ST6GAL2: variants seen among roughly 807,000 people sequenced by gnomAD.
ST6GAL2 encodes ST6 beta-galactoside alpha-2,6-sialyltransferase 2.
ST6GAL2 carries 24 observed loss-of-function variants against 37.5 expected under a neutral mutation model. The ratio of observed to expected loss-of-function variants is 0.64; its 90% CI spans 0.46 to 0.90. The LOEUF (loss-of-function observed/expected upper bound fraction) is 0.90, where lower values mean the gene tolerates loss of function less well. Ranked by LOEUF, ST6GAL2 falls within the 40% of genes least tolerant of loss-of-function variation. The pLI is 0.00. For synonymous variants in ST6GAL2, 306 were observed against 295.1 expected, an observed-to-expected ratio of 1.04 and a Z score of -0.38; for missense variants, 715 against 712.7, an observed-to-expected ratio of 1.00 and a Z score of -0.04.
intron 5 of ST6GAL2, among the ~76,000 whole-genome samples, chr2:106,823,478 CACACACACAG>C (rs1389635569): frequency 6.5e-4 from 60 of 92,046 alleles, no homozygotes; most frequent in African/African-American, 2.0e-3. Context: ...CACACACACA[CACACACACAG>C]AGAGAGAGAG....
intron 5 of ST6GAL2, among the ~76,000 whole-genome samples, 189 bp from the exon 6 acceptor site, chr2:106,807,138 A>G (rs1177156897): frequency 6.6e-6 from 1 of 152,108 alleles, no homozygotes; most frequent in Non-Finnish European, 1.5e-5. Flanking sequence ...GTATGGGGGC[A>G]TATTAAAATG....
chr2:106,857,818 G>A (rs555179836), intron 1 of ST6GAL2, among the ~76,000 whole-genome samples: 1 of 152,210 alleles, frequency 6.6e-6, no homozygotes, highest in South Asian at 2.1e-4. Context: ...CAGCACGGCC[G>A]AAGGAGGTTG....
intron 1 of ST6GAL2, among the ~76,000 whole-genome samples, chr2:106,857,851 G>A (rs1175667145): frequency 1.3e-5 from 2 of 152,104 alleles, no homozygotes; most frequent in Non-Finnish European, 1.5e-5. Context: ...CAAGAACAAT[G>A]CCTCGCTGCT....
chr2:106,873,667 T>G (rs936441836), intron 1 of ST6GAL2, among the ~76,000 whole-genome samples: 2 of 152,262 alleles, frequency 1.3e-5, no homozygotes, highest in African/African-American at 4.8e-5. Context: ...GAATGCTATT[T>G]TTAATCATTT....
chr2:106,830,521 G>A (rs548399118), intron 4 of ST6GAL2, among the ~76,000 whole-genome samples: 2 of 152,208 alleles, frequency 1.3e-5, no homozygotes, highest in Admixed American at 1.3e-4. Flanking sequence ...CAAAGGGCCA[G>A]ATAATCAACA....
chr2:106,869,826 C>CCGACTGT (rs1427131698), intron 1 of ST6GAL2, among the ~76,000 whole-genome samples: 2 of 152,214 alleles, frequency 1.3e-5, no homozygotes, highest in Admixed American at 1.3e-4. Context: ...GGCTGGGCCT[C>CCGACTGT]CGACTGTCCT....
chr2:106,844,369 C>T (rs1327625011), intron 1 of ST6GAL2, among the ~76,000 whole-genome samples: 1 of 152,036 alleles, frequency 6.6e-6, no homozygotes, highest in Non-Finnish European at 1.5e-5. Context: ...CAGTAGTGCC[C>T]CTGCCCACAA....
intron 1 of ST6GAL2, among the ~76,000 whole-genome samples, chr2:106,880,463 C>T (rs1198358570): frequency 6.6e-6 from 1 of 152,198 alleles, no homozygotes; most frequent in Non-Finnish European, 1.5e-5. Context: ...AAGTTAGTCT[C>T]AACAGTCAAA....
Position 106,843,691 on chromosome 2 carries a change from A to G in ST6GAL2, c.287T>C (p.Leu96Pro). The G allele has an allele frequency of 6.2e-7, 1 of 1,613,184 alleles. No homozygotes were observed. Among genetic ancestry groups the G allele is most frequent in the Non-Finnish European group, 8.5e-7 (1 of 1,180,000 alleles). Reference protein sequence around the residue: ...AGSFHAGPGDLQKWAQSQDGF... With the variant: ...AGSFHAGPGDPQKWAQSQDGF... ...ATCTTGGGACTGGGCCCATTTCTGC[A>G]GGTCTCCAGGCCCCGCATGAAAGGA... The change falls in exon 2 of 6, where the codon CTG (leucine) becomes CCG (proline). Residue 96 changes from leucine to proline, a missense_variant. Coordinates refer to ENST00000409382, the MANE Select transcript of ST6GAL2 (RefSeq NM_001142351.2).
intron 5 of ST6GAL2, chr2:106,823,266 C>T (rs370819971): frequency 1.3e-5 from 2 of 151,996 alleles, no homozygotes; most frequent in Non-Finnish European, 2.9e-5. Context: ...ACAGATCTTA[C>T]AGCACCAAAG....
At chr2:106,855,082 C>A (rs1027605554) in intron 1 of ST6GAL2, among the ~76,000 whole-genome samples, 2 of 152,104 alleles carry the variant, frequency 1.3e-5, no homozygotes, top group Non-Finnish European at 2.9e-5. Flanking sequence ...TTTATTAAGT[C>A]TATCATAAGG....
At chr2:106,809,629 C>T (rs1675537548) in intron 5 of ST6GAL2, among the ~76,000 whole-genome samples, 1 of 152,154 alleles carries the variant, frequency 6.6e-6, no homozygotes, top group African/African-American at 2.4e-5. Flanking sequence ...AATGCAGGTT[C>T]CTGGGACTTG....
rs1553414505 is a variant in ST6GAL2 at position 106,804,855 on chromosome 2, A to AAAG, written c.*1822_*1823insCTT. On this transcript the variant is annotated 3_prime_UTR_variant, in exon 6 of 6. Transcript: ENST00000409382. Reference sequence around the variant, plus strand: ...AGAGACTGTCTCAAAAAAAAAAAAAAAAAAGAAAAGAAAAGAAATTAGAAA... The same window carrying AAAG: ...AGAGACTGTCTCAAAAAAAAAAAAAAAAGAAAAGAAAAGAAAAGAAATTAGAAA... 9 of 151,272 alleles carry AAAG rather than the reference A, an allele frequency of 5.9e-5. No individual in the cohort carries two copies. Among genetic ancestry groups the AAAG allele is most frequent in the East Asian group, 1.9e-4 (1 of 5,146 alleles). 9.4% of individuals were successfully genotyped at this position (151,272 alleles called of 1,614,324 possible).
Position 106,886,152 on chromosome 2 carries a change from CT to C in ST6GAL2, c.-118del, listed in dbSNP as rs1678981084. On this transcript the variant is annotated 5_prime_UTR_variant, in exon 1 of 6. Transcript: ENST00000409382. The stretch of plus-strand genomic sequence containing the variant: ...GACACCGTGGTGCTCGGTGCTCCCC[CT>C]GGCAGCGCGGCACTGGAGTCCAAGG... The C allele has an allele frequency of 6.6e-6, 1 of 152,352 alleles. No individual in the cohort carries two copies. The highest frequency in any genetic ancestry group is 2.4e-5 in the African/African-American group (1 of 41,482). 9.4% of individuals were successfully genotyped at this position (152,352 alleles called of 1,614,324 possible).
At position 106,832,564 on chromosome 2, in the gene ST6GAL2, C is replaced by T; in HGVS notation, c.1143+1G>A. 3 of 1,541,766 alleles carry T rather than the reference C, an allele frequency of 1.9e-6. No homozygotes were observed. Among genetic ancestry groups the T allele is most frequent in the Non-Finnish European group, 2.6e-6 (3 of 1,133,034 alleles). On this transcript the variant is annotated splice_donor_variant, in intron 4 of 5. Transcript: ENST00000409382. LOFTEE classifies it high-confidence loss of function. ...GTGGGCAAATCCAGGGAAACACTTA[C>T]CAGGTTAAGATTTGCGGAATATGGG...
At chr2:106,872,291 C>G (rs969877533) in intron 1 of ST6GAL2, among the ~76,000 whole-genome samples, 3 of 152,194 alleles carry the variant, frequency 2.0e-5, no homozygotes, top group Non-Finnish European at 4.4e-5. Context: ...TCTTCTTTGC[C>G]TGGTGCATGA....
intron 2 of ST6GAL2, among the ~76,000 whole-genome samples, chr2:106,836,833 G>A (rs1447612065): frequency 6.9e-6 from 1 of 145,092 alleles, no homozygotes; most frequent in Non-Finnish European, 1.5e-5. Context: ...TGTAATCCCA[G>A]CTACTCGGGA....
intron 1 of ST6GAL2, among the ~76,000 whole-genome samples, chr2:106,858,443 C>T (rs1573290422): frequency 6.6e-6 from 1 of 152,184 alleles, no homozygotes; most frequent in African/African-American, 2.4e-5. Context: ...CTCCCCAGCC[C>T]TAAAGGATAA....
intron 5 of ST6GAL2, among the ~76,000 whole-genome samples, chr2:106,818,051 A>G (rs1675870669): frequency 6.6e-6 from 1 of 152,194 alleles, no homozygotes; most frequent in Admixed American, 6.5e-5. Flanking sequence ...GGTCAGCTGC[A>G]CTAAATACAA....
Sources: allele counts gnomAD v4.1 joint callset (sites outside exome capture counted in the v4.1 genomes callset), GRCh38; gene constraint gnomAD v4.1.1; transcripts MANE v1.5; gene names NCBI Gene and HGNC (gene_info 2026-07-23, HGNC 2026-07-21).